NKIRAS1: variants seen among roughly 807,000 people sequenced by gnomAD.
The protein encoded by NKIRAS1 is NFKB inhibitor interacting Ras like 1, also known as NF-kappa-B inhibitor-interacting Ras-like protein 1.
A neutral mutation model predicts 19.8 loss-of-function variants in NKIRAS1; 16 were observed. That is an observed-to-expected ratio of 0.81 (90% CI 0.55 to 1.23). NKIRAS1 has a LOEUF of 1.23. Among genes scored for constraint, NKIRAS1 ranks in the 50% most tolerant of loss-of-function variants. The probability of loss-of-function intolerance (pLI) is 0.00; values close to 1 mark genes in which losing one functional copy is unlikely to be tolerated. For missense variants in NKIRAS1, 184 were observed against 220.0 expected, an observed-to-expected ratio of 0.84 and a Z score of 1.04; for synonymous variants, 88 against 79.0, an observed-to-expected ratio of 1.11 and a Z score of -0.61.
intron 1 of NKIRAS1, chr3:23,946,037 G>A: frequency 1.1e-6 from 1 of 919,550 alleles, no homozygotes; most frequent in African/African-American, 1.8e-5. Flanking sequence ...GGGGGCGCGC[G>A]CGCGCGCGCT....
At chr3:23,900,116 C>T (rs1344225114) in intron 4 of NKIRAS1, among the ~76,000 whole-genome samples, 2 of 151,830 alleles carry the variant, frequency 1.3e-5, no homozygotes, top group South Asian at 2.1e-4. Context: ...GAGCCAAGAT[C>T]GTGCCACTGC....
chr3:23,895,715 T>C (rs1701912257), intron 4 of NKIRAS1, among the ~76,000 whole-genome samples: 1 of 152,204 alleles, frequency 6.6e-6, no homozygotes, highest in African/African-American at 2.4e-5. Flanking sequence ...TATTACATTT[T>C]CTCCATTTAC....
In NKIRAS1 at chr3:23,892,805, A is replaced by G. The variant is rs555385169; in HGVS notation, c.*290T>C. 5 of 208,074 alleles carry G rather than the reference A, an allele frequency of 2.4e-5. No homozygotes were observed. The highest frequency in any genetic ancestry group is 2.0e-4 in the East Asian group (2 of 9,804). The allele number at this position is 208,074 out of a possible 1,614,324, so 12.9% of individuals were successfully genotyped here. A position where few individuals can be genotyped will look rare whatever the true frequency, so the allele number is the denominator to read the frequency against. ...TACACATAGGTGCATTTGCATAACT[A>G]TCCAAACTATTTTACTGTTTTCACA... On this transcript the variant is annotated 3_prime_UTR_variant, in exon 5 of 5. Transcript: ENST00000425478.
chr3:23,909,854 GTTTTT>G (rs899380466), intron 3 of NKIRAS1, among the ~76,000 whole-genome samples: 1 of 133,428 alleles, frequency 7.5e-6, no homozygotes, highest in African/African-American at 2.6e-5. Context: ...AGTTGTTTTT[GTTTTT>G]TTTTGTTTTT....
chr3:23,918,406 T>TA (rs748433540), upstream of NKIRAS1: 1 of 1,605,664 alleles, frequency 6.2e-7, no homozygotes, highest in Admixed American at 1.7e-5. Context: ...CGGCTTCCTA[T>TA]AAAATCACTA....
At chr3:23,900,254 C>T (rs912189159) in intron 4 of NKIRAS1, among the ~76,000 whole-genome samples, 4 of 152,082 alleles carry the variant, frequency 2.6e-5, no homozygotes, top group Non-Finnish European at 5.9e-5. Context: ...CATTAAAATT[C>T]AACTTGTAGA....
chr3:23,938,628 C>G (rs972179299), intron 1 of NKIRAS1, among the ~76,000 whole-genome samples: 3 of 152,174 alleles, frequency 2.0e-5, no homozygotes, highest in African/African-American at 4.8e-5. Flanking sequence ...TATTCCATCT[C>G]TTATGCTATT....
At chr3:23,921,768 T>C, upstream of NKIRAS1, 1 of 596,352 alleles carries the variant, frequency 1.7e-6, no homozygotes, top group Non-Finnish European at 3.0e-6. Context: ...AGAGACTGGG[T>C]TTCACTATGT....
intron 1 of NKIRAS1, among the ~76,000 whole-genome samples, chr3:23,945,758 G>A (rs1705656693): frequency 6.7e-6 from 1 of 150,252 alleles, no homozygotes; most frequent in Admixed American, 6.6e-5. Context: ...TCGCCCCCCG[G>A]GCCGCCCGGC....
chr3:23,910,872 T>A lies in NKIRAS1; in HGVS notation c.33A>T (p.Gly11=), dbSNP rs746678249. The A allele has an allele frequency of 9.9e-6, 16 of 1,613,994 alleles. No individual in the cohort carries two copies. The highest frequency in any genetic ancestry group is 1.7e-6 in the Non-Finnish European group (2 of 1,180,018). Residue 11 remains glycine (G), a synonymous_variant, in exon 3 of 5, where the codon GGA becomes GGT. Transcript: ENST00000425478. The part of the protein sequence containing the change: MGKGCKVVVC[G]LLSVGKTAIL... Reference sequence around the variant, plus strand: ...TTGCAGTTTTCCCCACAGATAACAATCCACAAACCACAACCTTGCAGCCCT... The same window carrying A: ...TTGCAGTTTTCCCCACAGATAACAAACCACAAACCACAACCTTGCAGCCCT...
In NKIRAS1 at chr3:23,928,345, T is replaced by C. The variant is rs115320698; in HGVS notation, c.-139-16895A>G. 7.9e-3 allele frequency among the ~76,000 whole-genome samples: 1,192 copies of C among 151,818 alleles called. 14 individuals carry two copies. The highest frequency in any genetic ancestry group is 0.027 in the African/African-American group (1,121 of 41,420). On this transcript the variant is annotated intron_variant, in intron 1 of 4. Coordinates refer to the NKIRAS1 transcript ENST00000421515. ...AAATAAATAAATAAATGTTATCATT[T>C]GAATACCATTAGTGCTTAGTAACTC...
upstream of NKIRAS1, chr3:23,918,658 A>G: frequency 1.3e-6 from 2 of 1,491,008 alleles, no homozygotes; most frequent in Non-Finnish European, 1.8e-6. Context: ...TTCTGATTGT[A>G]CTTAGGTGAG....
At chr3:23,929,268 G>A (rs976066467) in intron 1 of NKIRAS1, among the ~76,000 whole-genome samples, 7 of 151,740 alleles carry the variant, frequency 4.6e-5, no homozygotes, top group Non-Finnish European at 7.4e-5. Flanking sequence ...GGAGGCCGAC[G>A]TAGGAGAATG....
chr3:23,921,477 A>G, upstream of NKIRAS1: 1 of 636,802 alleles, frequency 1.6e-6, no homozygotes, highest in East Asian at 2.7e-5. Context: ...GGGTCACTTT[A>G]TTAGCTATAC....
upstream of NKIRAS1, chr3:23,917,810 T>C (rs1704732648): frequency 1.3e-6 from 2 of 1,560,472 alleles, no homozygotes; most frequent in Non-Finnish European, 1.7e-6. Context: ...CTTATTGTAC[T>C]TAAAGCGGAT....
At chr3:23,918,694 G>C, upstream of NKIRAS1, 1 of 1,258,834 alleles carries the variant, frequency 7.9e-7, no homozygotes, top group Admixed American at 2.5e-5. Context: ...AACAGGGTTT[G>C]TGATTTTTAC....
chr3:23,946,455 T>TC (rs986732393), exon 1 of NKIRAS1: 1 of 253,532 alleles, frequency 3.9e-6, no homozygotes, highest in African/African-American at 2.3e-5. Flanking sequence ...CCCGAGCGAC[T>TC]CCCCGCAGAC....
chr3:23,921,375 G>A (rs1055392126), upstream of NKIRAS1, among the ~76,000 whole-genome samples: 1 of 152,106 alleles, frequency 6.6e-6, no homozygotes, highest in African/African-American at 2.4e-5. Context: ...TCCTACTGCA[G>A]TCCACACCCC....
intron 2 of NKIRAS1, 115 bp downstream of exon 2, chr3:23,911,214 G>C (rs1703673637): frequency 4.0e-6 from 1 of 248,096 alleles, no homozygotes; most frequent in South Asian, 5.3e-5. Flanking sequence ...ACCACTTTGG[G>C]AGTCCAAGGC....
Sources: gnomAD v4.1 joint callset for allele counts (sites outside exome capture counted in the v4.1 genomes callset) on GRCh38, gnomAD v4.1.1 for gene constraint, MANE v1.5 for transcripts, NCBI Gene and HGNC (gene_info 2026-07-23, HGNC 2026-07-21) for gene names.